The following XKR6 variants were observed in gnomAD, a reference collection of about 807,000 sequenced individuals.
XKR6 encodes XK related 6.
In XKR6, 22 loss-of-function variants were observed where a neutral mutation model predicts 56.7. That is an observed-to-expected ratio of 0.39 (90% CI 0.28 to 0.55). The LOEUF is 0.55. Ranked by LOEUF, XKR6 falls within the 20% of genes least tolerant of loss-of-function variation. XKR6 has a pLI of 0.66. For synonymous variants in XKR6, 524 were observed against 387.8 expected (o/e 1.35, Z -4.13); for missense variants, 852 against 889.0 (o/e 0.96, Z 0.53).
At chr8:11,004,355 C>A (rs772975973) in intron 1 of XKR6, among the ~76,000 whole-genome samples, 6 of 152,100 alleles carry the variant, frequency 3.9e-5, no homozygotes, top group Non-Finnish European at 8.8e-5. Flanking sequence ...ACCTGCAATA[C>A]CAGCTACTTA....
At chr8:10,979,469 C>T (rs1373055823) in intron 1 of XKR6, among the ~76,000 whole-genome samples, 4 of 152,056 alleles carry the variant, frequency 2.6e-5, no homozygotes, top group African/African-American at 9.7e-5. Flanking sequence ...GGCAGCAGGA[C>T]CTCCACACCA....
intron 1 of XKR6, among the ~76,000 whole-genome samples, chr8:11,048,620 G>C (rs995867288): frequency 1.3e-5 from 2 of 152,204 alleles, no homozygotes; most frequent in African/African-American, 4.8e-5. Context: ...TGCACGGTGA[G>C]GTTGGAGAAG....
At chr8:11,161,153 T>C (rs926839390) in intron 1 of XKR6, among the ~76,000 whole-genome samples, 1 of 152,132 alleles carries the variant, frequency 6.6e-6, no homozygotes, top group African/African-American at 2.4e-5. Context: ...GAGTACCTGG[T>C]AGAAATTAAA....
At chr8:11,037,588 A>G (rs1018131880) in intron 1 of XKR6, among the ~76,000 whole-genome samples, 5 of 151,808 alleles carry the variant, frequency 3.3e-5, no homozygotes, top group Admixed American at 3.3e-4. Flanking sequence ...GGCCGGGCGC[A>G]GTGGCTCACG....
At chr8:11,169,765 A>T (rs1802272574) in intron 1 of XKR6, among the ~76,000 whole-genome samples, 1 of 152,252 alleles carries the variant, frequency 6.6e-6, no homozygotes. Context: ...GTACACTTTA[A>T]AATGATTAAA....
intron 2 of XKR6, among the ~76,000 whole-genome samples, chr8:10,904,674 G>A (rs1257012932): frequency 4.6e-5 from 7 of 152,110 alleles, no homozygotes; most frequent in East Asian, 1.9e-4. Context: ...TGCATCAGGG[G>A]GCCAGCATAT....
At chr8:11,158,653 T>C (rs1350172811) in intron 1 of XKR6, among the ~76,000 whole-genome samples, 1 of 152,128 alleles carries the variant, frequency 6.6e-6, no homozygotes, top group African/African-American at 2.4e-5. Flanking sequence ...AACAAAACGT[T>C]TAAACACAGG....
At chr8:11,102,954 G>A (rs147646376) in intron 1 of XKR6, among the ~76,000 whole-genome samples, 267 of 152,258 alleles carry the variant, frequency 1.8e-3, no homozygotes, top group African/African-American at 6.2e-3. Flanking sequence ...AAGGTTGGAG[G>A]CAAAGACCAG....
chr8:11,134,543 G>T (rs1174400992), intron 1 of XKR6, among the ~76,000 whole-genome samples: 1 of 152,008 alleles, frequency 6.6e-6, no homozygotes, highest in Non-Finnish European at 1.5e-5. Context: ...ATGAATGTGT[G>T]GCATTTGTTA....
intron 1 of XKR6, among the ~76,000 whole-genome samples, chr8:10,977,283 A>G (rs964635258): frequency 6.6e-6 from 1 of 152,112 alleles, no homozygotes; most frequent in Non-Finnish European, 1.5e-5. Flanking sequence ...AGAAAGCCCT[A>G]GAACCCATGC....
chr8:10,980,547 G>T (rs1210365448), intron 1 of XKR6, among the ~76,000 whole-genome samples: 2 of 152,180 alleles, frequency 1.3e-5, no homozygotes, highest in Non-Finnish European at 2.9e-5. Context: ...ATGTTGTATG[G>T]ATTATGATTG....
At chr8:11,158,138 C>T (rs1027276796) in intron 1 of XKR6, among the ~76,000 whole-genome samples, 3 of 152,040 alleles carry the variant, frequency 2.0e-5, no homozygotes, top group Non-Finnish European at 2.9e-5. Flanking sequence ...TGCCAGGCAC[C>T]GGGACTCAGT....
intron 1 of XKR6, among the ~76,000 whole-genome samples, chr8:11,119,416 G>C (rs1385786817): frequency 6.6e-6 from 1 of 152,172 alleles, no homozygotes; most frequent in Non-Finnish European, 1.5e-5. Context: ...GGGTGGTAAA[G>C]TCTCCCATTA....
At chr8:11,169,006 C>T (rs1317767249) in intron 1 of XKR6, among the ~76,000 whole-genome samples, 1 of 152,186 alleles carries the variant, frequency 6.6e-6, no homozygotes, top group Non-Finnish European at 1.5e-5. Context: ...ATCGCTTCAG[C>T]CTCTGACTGG....
intron 1 of XKR6, among the ~76,000 whole-genome samples, chr8:11,126,892 T>C (rs1799828176): frequency 6.6e-6 from 1 of 152,176 alleles, no homozygotes; most frequent in South Asian, 2.1e-4. Context: ...GGGACCCAGA[T>C]GATGAAATCA....
At chr8:11,043,117 C>T (rs1354000978) in intron 1 of XKR6, among the ~76,000 whole-genome samples, 1 of 152,056 alleles carries the variant, frequency 6.6e-6, no homozygotes, top group African/African-American at 2.4e-5. Context: ...CTAGGAACTC[C>T]ATGCATTATG....
At chr8:10,996,366 T>A (rs2129141769) in intron 1 of XKR6, among the ~76,000 whole-genome samples, 1 of 152,322 alleles carries the variant, frequency 6.6e-6, no homozygotes, top group East Asian at 1.9e-4. Flanking sequence ...ATCTTGTTAC[T>A]GCTCCCAGGT....
At chr8:10,948,245 T>C (rs992548160) in intron 1 of XKR6, among the ~76,000 whole-genome samples, 2 of 152,194 alleles carry the variant, frequency 1.3e-5, no homozygotes, top group African/African-American at 4.8e-5. Context: ...ACTAGAGCAC[T>C]GGGATTTGGG....
chr8:11,004,407 G>T (rs1392871901), intron 1 of XKR6, among the ~76,000 whole-genome samples: 2 of 152,146 alleles, frequency 1.3e-5, no homozygotes, highest in Admixed American at 6.5e-5. Flanking sequence ...AGGAGGCGGA[G>T]GTTGCAGTGA....
Sources: gnomAD v4.1 joint callset for allele counts (sites outside exome capture counted in the v4.1 genomes callset) on GRCh38, gnomAD v4.1.1 for gene constraint, MANE v1.5 for transcripts, NCBI Gene and HGNC (gene_info 2026-07-23, HGNC 2026-07-21) for gene names.